ETV6: variants seen among roughly 807,000 people sequenced by gnomAD.
The protein encoded by ETV6 is transcription factor ETV6.
A neutral mutation model predicts 51.1 loss-of-function variants in ETV6; 16 were observed. That is an observed-to-expected ratio of 0.31 (90% CI 0.21 to 0.48). The LOEUF is 0.48. ETV6 is among the 20% of genes least tolerant of loss of function. ETV6 has a pLI of 0.99. For missense variants in ETV6, 458 were observed against 594.8 expected (o/e 0.77, Z 2.39); for synonymous variants, 240 against 224.1 (o/e 1.07, Z -0.64).
intron 4 of ETV6, 28 bp downstream of exon 4, chr12:11,853,589 C>T (rs2136491410): frequency 6.2e-7 from 1 of 1,612,694 alleles, no homozygotes; most frequent in Non-Finnish European, 8.5e-7. Flanking sequence ...TCTTTTCTTG[C>T]CTGAGGTTTA....
intron 1 of ETV6, among the ~76,000 whole-genome samples, chr12:11,670,400 A>C (rs1399412692): frequency 6.6e-6 from 1 of 152,232 alleles, no homozygotes; most frequent in African/African-American, 2.4e-5. Flanking sequence ...TTTTTCAAAT[A>C]GTGGTCTTAG....
chr12:11,666,311 C>T lies in ETV6; in HGVS notation c.33+16151C>T, dbSNP rs180860551. On this transcript the variant is annotated intron_variant, in intron 1 of 7. Transcript: ENST00000396373. ...TTGTACAGCCCATGTTCTCTCCTAC[C>T]CTATCTGAGATGAAGATCTCTCTGG... Among the ~76,000 whole-genome samples the T allele has an allele frequency of 3.3e-5, 5 of 152,266 alleles. No individual in the cohort carries two copies. In the East Asian group the frequency reaches 9.6e-4, roughly 29 times the overall value.
intron 1 of ETV6, among the ~76,000 whole-genome samples, chr12:11,706,770 T>G (rs1199718678): frequency 6.6e-6 from 1 of 152,240 alleles, no homozygotes; most frequent in Non-Finnish European, 1.5e-5. Context: ...CCTAGCCATA[T>G]CTGTTTTCTT....
intron 1 of ETV6, among the ~76,000 whole-genome samples, chr12:11,694,469 T>G (rs1352990030): frequency 6.6e-6 from 1 of 152,214 alleles, no homozygotes; most frequent in African/African-American, 2.4e-5. Context: ...TTAAACCAAA[T>G]GTACTGTCTT....
chr12:11,886,173 G>A (rs1947179955), intron 7 of ETV6, 147 bp downstream of exon 7: 1 of 648,368 alleles, frequency 1.5e-6, no homozygotes, highest in Non-Finnish European at 2.8e-6. Context: ...CCAGGTACTG[G>A]TTTGTTAGGA....
chr12:11,789,178 G>A (rs1016620206), intron 2 of ETV6, among the ~76,000 whole-genome samples: 2 of 151,884 alleles, frequency 1.3e-5, no homozygotes, highest in Non-Finnish European at 2.9e-5. Context: ...GATTACAGGC[G>A]CCAGCCACCA....
intron 1 of ETV6, among the ~76,000 whole-genome samples, chr12:11,654,004 G>T (rs1405328537): frequency 6.6e-6 from 1 of 151,966 alleles, no homozygotes; most frequent in African/African-American, 2.4e-5. Flanking sequence ...GTAGAGATGG[G>T]GGTTTCACCA....
At chr12:11,855,383 G>T (rs889698993) in intron 4 of ETV6, among the ~76,000 whole-genome samples, 11 of 152,160 alleles carry the variant, frequency 7.2e-5, no homozygotes, top group Non-Finnish European at 1.3e-4. Flanking sequence ...TGAGCACTCA[G>T]TGATGGATCG....
chr12:11,669,385 CCCTCCCTCCTTT>C (rs1176413146), intron 1 of ETV6, among the ~76,000 whole-genome samples: 1 of 139,644 alleles, frequency 7.2e-6, no homozygotes, highest in African/African-American at 2.6e-5. Context: ...CTCCCTCCCT[CCCTCCCTCCTTT>C]CCTCCTTTCC....
At chr12:11,674,613 ATTTGTGTGTG>A (rs1565481843) in intron 1 of ETV6, among the ~76,000 whole-genome samples, 4 of 78,884 alleles carry the variant, frequency 5.1e-5, no homozygotes, top group Non-Finnish European at 1.1e-4. Context: ...TGTAGGGGTT[ATTTGTGTGTG>A]TGTGTGTGTG....
intron 3 of ETV6, among the ~76,000 whole-genome samples, chr12:11,843,340 G>A (rs1453770425): frequency 6.6e-6 from 1 of 152,168 alleles, no homozygotes; most frequent in Non-Finnish European, 1.5e-5. Context: ...ATTTGCCACT[G>A]TTTCTTCTGA....
At chr12:11,792,414 C>T (rs567885066) in intron 2 of ETV6, among the ~76,000 whole-genome samples, 2 of 152,266 alleles carry the variant, frequency 1.3e-5, no homozygotes, top group South Asian at 2.1e-4. Flanking sequence ...CTCGGCCAGG[C>T]GAGGTGGCTC....
At chr12:11,867,110 G>A (rs1031261244) in intron 4 of ETV6, among the ~76,000 whole-genome samples, 1 of 152,116 alleles carries the variant, frequency 6.6e-6, no homozygotes, top group Non-Finnish European at 1.5e-5. Flanking sequence ...AATCCTCTCC[G>A]GTTTTTGTCT....
chr12:11,797,187 A>G (rs917370527), intron 2 of ETV6, among the ~76,000 whole-genome samples: 1 of 152,146 alleles, frequency 6.6e-6, no homozygotes, highest in Non-Finnish European at 1.5e-5. Flanking sequence ...CATTCTTTCA[A>G]ACACCATTAT....
intron 5 of ETV6, among the ~76,000 whole-genome samples, chr12:11,882,561 G>A (rs1030767115): frequency 1.3e-5 from 2 of 152,224 alleles, no homozygotes; most frequent in African/African-American, 4.8e-5. Flanking sequence ...AGGGTCAGAT[G>A]TAACCAGGCT....
At chr12:11,876,014 G>A (rs1946976761) in intron 5 of ETV6, among the ~76,000 whole-genome samples, 1 of 152,146 alleles carries the variant, frequency 6.6e-6, no homozygotes, top group Admixed American at 6.5e-5. Context: ...AGTGTGCTTG[G>A]AATCATAGGT....
intron 2 of ETV6, among the ~76,000 whole-genome samples, chr12:11,807,587 G>A (rs1428103225): frequency 6.6e-6 from 1 of 152,168 alleles, no homozygotes; most frequent in African/African-American, 2.4e-5. Context: ...GGTAAGAAGG[G>A]AAAGGGCAGT....
intron 1 of ETV6, among the ~76,000 whole-genome samples, chr12:11,750,394 G>A (rs752238373): frequency 6.6e-6 from 1 of 152,198 alleles, no homozygotes; most frequent in Non-Finnish European, 1.5e-5. Context: ...GGTGGAGTTG[G>A]GGCAGGCGGG....
chr12:11,878,704 G>A (rs1419913162), intron 5 of ETV6, among the ~76,000 whole-genome samples: 1 of 151,362 alleles, frequency 6.6e-6, no homozygotes, highest in Non-Finnish European at 1.5e-5. Flanking sequence ...CTAAGCCACG[G>A]CAAAGCACAA....
Sources: allele counts gnomAD v4.1 joint callset (sites outside exome capture counted in the v4.1 genomes callset), GRCh38; gene constraint gnomAD v4.1.1; transcripts MANE v1.5; gene names NCBI Gene and HGNC (gene_info 2026-07-23, HGNC 2026-07-21).